The following DPP10 variants were observed in gnomAD, a reference collection of about 807,000 sequenced individuals.
DPP10 encodes inactive dipeptidyl peptidase 10.
In DPP10, 33 loss-of-function variants were observed where a neutral mutation model predicts 120.9. The observed-to-expected ratio is 0.27, with a 90% confidence interval of 0.21 to 0.37. The LOEUF (loss-of-function observed/expected upper bound fraction) is 0.37, where lower values mean the gene tolerates loss of function less well. DPP10 is among the 10% of genes least tolerant of loss of function. DPP10 has a pLI of 1.00. For missense variants in DPP10, 816 were observed against 942.8 expected, an observed-to-expected ratio of 0.87 and a Z score of 1.76; for synonymous variants, 337 against 326.1, an observed-to-expected ratio of 1.03 and a Z score of -0.36.
chr2:115,607,666 A>T (rs1424709894), intron 5 of DPP10, among the ~76,000 whole-genome samples: 1 of 152,124 alleles, frequency 6.6e-6, no homozygotes, highest in Non-Finnish European at 1.5e-5. Flanking sequence ...GTTCCATTAG[A>T]TTGTATGCTT....
chr2:114,546,203 C>T (rs552711808), intron 1 of DPP10, among the ~76,000 whole-genome samples: 8 of 152,100 alleles, frequency 5.3e-5, no homozygotes, highest in African/African-American at 1.7e-4. Context: ...TTCTGCAGAC[C>T]GTGCAGGAAG....
At chr2:115,612,977 A>G (rs1468123462) in intron 5 of DPP10, among the ~76,000 whole-genome samples, 3 of 152,194 alleles carry the variant, frequency 2.0e-5, no homozygotes, top group Non-Finnish European at 4.4e-5. Flanking sequence ...AAAATGGTAC[A>G]TAAATCAAAG....
At chr2:114,551,912 C>A (rs1397979583) in intron 1 of DPP10, among the ~76,000 whole-genome samples, 1 of 152,108 alleles carries the variant, frequency 6.6e-6, no homozygotes, top group Non-Finnish European at 1.5e-5. Context: ...TTCCAGTTAT[C>A]TAGATTGTAA....
chr2:115,058,469 G>T (rs181742671), intron 1 of DPP10, among the ~76,000 whole-genome samples: 1 of 151,968 alleles, frequency 6.6e-6, no homozygotes, highest in Non-Finnish European at 1.5e-5. Flanking sequence ...GCGCGATCTC[G>T]GTTCACTGCA....
At chr2:115,447,108 C>T (rs749252453) in intron 3 of DPP10, among the ~76,000 whole-genome samples, 3 of 152,126 alleles carry the variant, frequency 2.0e-5, no homozygotes, top group Non-Finnish European at 4.4e-5. Flanking sequence ...CATGTGAATA[C>T]ACCATTTGCA....
chr2:114,630,833 C>G (rs1231182417), intron 1 of DPP10, among the ~76,000 whole-genome samples: 1 of 152,120 alleles, frequency 6.6e-6, no homozygotes, highest in Non-Finnish European at 1.5e-5. Flanking sequence ...CTTCTGGTCC[C>G]CACCCCTCCC....
At chr2:115,072,412 G>A (rs1315829542) in intron 1 of DPP10, among the ~76,000 whole-genome samples, 1 of 152,190 alleles carries the variant, frequency 6.6e-6, no homozygotes, top group Non-Finnish European at 1.5e-5. Context: ...CCTATGTGTA[G>A]ATGTGAGTAC....
intron 1 of DPP10, among the ~76,000 whole-genome samples, chr2:114,503,168 A>G (rs1683343877): frequency 6.6e-6 from 1 of 152,232 alleles, no homozygotes; most frequent in Non-Finnish European, 1.5e-5. Context: ...CTTCATGCAC[A>G]GATGCTCTAA....
intron 4 of DPP10, among the ~76,000 whole-genome samples, chr2:115,514,922 A>G (rs1479845640): frequency 6.6e-6 from 1 of 151,906 alleles, no homozygotes; most frequent in Non-Finnish European, 1.5e-5. Flanking sequence ...TCATGGATCT[A>G]TACATAAACA....
At chr2:114,788,619 A>G (rs973092564) in intron 1 of DPP10, among the ~76,000 whole-genome samples, 1 of 152,026 alleles carries the variant, frequency 6.6e-6, no homozygotes, top group Non-Finnish European at 1.5e-5. Context: ...GGGTTTCACC[A>G]TGTTGGCCAG....
chr2:115,757,885 C>T (rs900850959), intron 11 of DPP10, among the ~76,000 whole-genome samples: 5 of 151,922 alleles, frequency 3.3e-5, no homozygotes, highest in Non-Finnish European at 7.4e-5. Flanking sequence ...AAATGAATAA[C>T]AAGAAACATC....
At chr2:114,914,847 TG>T (rs1490471571) in intron 1 of DPP10, among the ~76,000 whole-genome samples, 5 of 152,028 alleles carry the variant, frequency 3.3e-5, no homozygotes, top group African/African-American at 1.2e-4. Context: ...AATAAAGAAA[TG>T]GGGCCGGGCG....
intron 1 of DPP10, among the ~76,000 whole-genome samples, chr2:115,249,380 G>A (rs923972390): frequency 6.6e-6 from 1 of 152,016 alleles, no homozygotes; most frequent in Admixed American, 6.6e-5. Context: ...GAGAAAATAT[G>A]GTGCCTTCCA....
intron 7 of DPP10, among the ~76,000 whole-genome samples, chr2:115,717,225 A>T (rs188680028): frequency 2.0e-5 from 3 of 152,288 alleles, no homozygotes; most frequent in Admixed American, 1.3e-4. Flanking sequence ...TCCAATTAGG[A>T]TGCCTGGGAG....
chr2:114,950,173 A>G (rs1410027941), intron 1 of DPP10, among the ~76,000 whole-genome samples: 1 of 152,150 alleles, frequency 6.6e-6, no homozygotes, highest in Non-Finnish European at 1.5e-5. Flanking sequence ...CTAAACTCAG[A>G]CAATGTATTT....
intron 5 of DPP10, among the ~76,000 whole-genome samples, chr2:115,647,323 G>A (rs532446872): frequency 6.6e-6 from 1 of 152,210 alleles, no homozygotes; most frequent in African/African-American, 2.4e-5. Context: ...TGTGGCAGCA[G>A]CACATAGGAA....
At chr2:115,658,211 A>G (rs2088573189) in intron 5 of DPP10, among the ~76,000 whole-genome samples, 1 of 152,132 alleles carries the variant, frequency 6.6e-6, no homozygotes, top group Admixed American at 6.5e-5. Context: ...GAAAAAGAGA[A>G]CTGCAGCTGC....
chr2:114,532,213 T>C (rs1183506502), intron 1 of DPP10, among the ~76,000 whole-genome samples: 3 of 144,038 alleles, frequency 2.1e-5, no homozygotes, highest in Non-Finnish European at 4.5e-5. Flanking sequence ...TGGGACTCCT[T>C]GGCCTCCCAT....
chr2:115,175,051 A>C (rs2053602224), intron 1 of DPP10, among the ~76,000 whole-genome samples: 1 of 152,238 alleles, frequency 6.6e-6, no homozygotes, highest in South Asian at 2.1e-4. Context: ...GATTCGGATC[A>C]AGCTGCGTGG....
Sources: gnomAD v4.1 joint callset for allele counts (sites outside exome capture counted in the v4.1 genomes callset) on GRCh38, gnomAD v4.1.1 for gene constraint, MANE v1.5 for transcripts, NCBI Gene and HGNC (gene_info 2026-07-23, HGNC 2026-07-21) for gene names.